The following CSF1 variants were observed in gnomAD, a reference collection of about 807,000 sequenced individuals.
The protein encoded by CSF1 is macrophage colony-stimulating factor 1.
Under a neutral mutation model 48.9 loss-of-function variants are expected in CSF1, and 9 were observed. The observed-to-expected ratio is 0.18, with a 90% CI of 0.11 to 0.32. The LOEUF (loss-of-function observed/expected upper bound fraction) is 0.32. CSF1 is among the 10% of genes least tolerant of loss of function. The pLI is 1.00. For synonymous variants in CSF1, 305 were observed against 284.1 expected, an observed-to-expected ratio of 1.07 and a Z score of -0.74; for missense variants, 672 against 697.9, an observed-to-expected ratio of 0.96 and a Z score of 0.42.
At chr1:109,919,927 AAAATAAATAAATAAATAAATAAATAAAT>A (rs35887432) in intron 4 of CSF1, among the ~76,000 whole-genome samples, 3 of 146,286 alleles carry the variant, frequency 2.1e-5, no homozygotes, top group East Asian at 2.0e-4. Flanking sequence ...ACTCCATCTC[AAAATAAATAAATAAATAAATAAATAAAT>A]AAATAAATAA....
At chr1:109,924,744 C>G in intron 6 of CSF1, 32 bp from the exon 7 acceptor site, 1 of 1,560,770 alleles carries the variant, frequency 6.4e-7, no homozygotes, top group Non-Finnish European at 8.7e-7. Context: ...ACTCCCCCAG[C>G]TCCTCAGTGA....
Position 109,924,162 on chromosome 1 carries a change from G to C in CSF1, c.1541G>C (p.Gly514Ala), listed in dbSNP as rs755209927. The change falls in exon 6 of 9, where the codon GGC becomes GCC. Residue 514 changes from glycine (G) to alanine (A), a missense_variant. Physicochemically the swap from Gly to Ala is moderately conservative, Grantham distance 60 (BLOSUM62 0). Around this residue, in one of 3 missense-constraint regions of CSF1, gnomAD observed 591 missense variants for 593.6 expected, o/e 1.00. Transcript: ENST00000329608. ...SVILVLLAVG[G>A]LLFYRWRRRS... ...ATCCTGGTCTTGCTGGCCGTCGGAG[G>C]CCTCTTGTTCTACAGGTGGAGGCGG... 1.9e-6 allele frequency: 3 copies of C among 1,612,916 alleles called. No homozygotes were observed. Among genetic ancestry groups the C allele is most frequent in the East Asian group, 2.2e-5 (1 of 44,870 alleles).
chr1:109,923,977 C>T lies in CSF1; in HGVS notation c.1356C>T (p.Pro452=), dbSNP rs749034276. 2.5e-6 allele frequency: 4 copies of T among 1,614,184 alleles called. No individual in the cohort carries two copies. Among genetic ancestry groups the T allele is most frequent in the South Asian group, 1.1e-5 (1 of 91,078 alleles). Reference sequence around the variant, plus strand: ...GGAGCACCAGGGATCGGAGGAGCCCCGCAGAGCCAGAAGGAGGACCAGCAA... The same window carrying T: ...GGAGCACCAGGGATCGGAGGAGCCCTGCAGAGCCAGAAGGAGGACCAGCAA... The part of the protein sequence containing the change: ...GRRSTRDRRS[P]AEPEGGPASE... The change falls in exon 6 of 9, where the codon CCC becomes CCT. Residue 452 remains proline, a synonymous_variant. Coordinates refer to ENST00000329608, the MANE Select transcript of CSF1 (RefSeq NM_000757.6).
Position 109,921,940 on chromosome 1 carries a change from T to C in CSF1, c.490T>C (p.Trp164Arg). 6.2e-7 allele frequency: 1 copy of C among 1,611,558 alleles called. No homozygotes were observed. Among genetic ancestry groups the C allele is most frequent in the Non-Finnish European group, 8.5e-7 (1 of 1,178,466 alleles). The change falls in exon 5 of 9, where the codon TGG (tryptophan) becomes CGG (arginine). Residue 164 changes from tryptophan (W) to arginine (R), a missense_variant. By Grantham distance (101) the Trp-to-Arg change is moderately radical. Transcript: ENST00000329608. ...NETKNLLDKDWNIFSKNCNNS... is the reference protein window; with the variant it reads ...NETKNLLDKDRNIFSKNCNNS... ...AACAAAGAATCTCCTTGACAAGGAC[T>C]GGAATATTTTCAGCAAGAACTGCAA... is the stretch of plus-strand genomic sequence containing the variant.
chr1:109,914,215 G>A, intron 1 of CSF1, 44 bp from the exon 2 acceptor site: 4 of 1,559,650 alleles, frequency 2.6e-6, no homozygotes, highest in Non-Finnish European at 3.5e-6. Context: ...GGGATAACTG[G>A]GGAGAGTGAG....
At chr1:109,925,015 G>C in intron 7 of CSF1, 132 bp from the exon 8 acceptor site, 1 of 1,070,478 alleles carries the variant, frequency 9.3e-7, no homozygotes, top group Non-Finnish European at 1.4e-6. Flanking sequence ...TCTCCGTAGA[G>C]TTAGACAGTT....
chr1:109,924,856 G>A, intron 7 of CSF1, 28 bp downstream of exon 7: 1 of 1,597,998 alleles, frequency 6.3e-7, no homozygotes, highest in Non-Finnish European at 8.5e-7. Context: ...GGCTCTGGGA[G>A]GCACTGGGGG....
rs1647262606 is a variant in CSF1 at position 109,917,284 on chromosome 1, G to A, written c.226-9G>A. The A allele has an allele frequency of 1.9e-6, 3 of 1,612,772 alleles. No homozygotes were observed. The highest frequency in any genetic ancestry group is 2.7e-5 in the African/African-American group (2 of 74,936). Reference sequence around the variant, plus strand: ...GCCAGGCCATAAGCTCCAGGTTCCTGTTTTTCAGAAAGATCCAGTGTGCTA... The same window carrying A: ...GCCAGGCCATAAGCTCCAGGTTCCTATTTTTCAGAAAGATCCAGTGTGCTA... On this transcript the variant is annotated splice_polypyrimidine_tract_variant and intron_variant, in intron 3 of 8. Coordinates refer to ENST00000329608, the MANE Select transcript of CSF1 (RefSeq NM_000757.6).
At chr1:109,910,573 A>T (rs1261368938), upstream of CSF1, 1 of 285,836 alleles carries the variant, frequency 3.5e-6, no homozygotes, top group Non-Finnish European at 7.4e-6. Flanking sequence ...CAGGGTGGGG[A>T]CGCGGTGGAG....
chr1:109,920,871 G>C (rs918403450), intron 4 of CSF1, among the ~76,000 whole-genome samples: 8 of 152,182 alleles, frequency 5.3e-5, no homozygotes, highest in Non-Finnish European at 1.0e-4. Context: ...ATATCAGGAG[G>C]AGAAGGGGAG....
intron 1 of CSF1, among the ~76,000 whole-genome samples, chr1:109,913,914 A>G (rs1187138086): frequency 1.3e-5 from 2 of 152,228 alleles, no homozygotes; most frequent in East Asian, 3.8e-4. Flanking sequence ...AAAAATGGGT[A>G]GATGCAAGTC....
Position 109,923,573 on chromosome 1 carries a change from C to A in CSF1, c.952C>A (p.Pro318Thr). Residue 318 changes from proline to threonine, a missense_variant, in exon 6 of 9, where the codon CCC (proline) becomes ACC (threonine). Physicochemically the swap from Pro to Thr is conservative, Grantham distance 38. Around this residue, in one of 3 missense-constraint regions of CSF1, gnomAD observed 591 missense variants for 593.6 expected, o/e 1.00. Transcript: ENST00000329608. ...ASGEASEIPV[P>T]QGTELSPSRP... ...TGGAGAGGCCAGTGAGATTCCCGTA[C>A]CCCAAGGGACAGAGCTTTCCCCCTC... The A allele has an allele frequency of 6.2e-7, 1 of 1,614,196 alleles. No homozygotes were observed. The highest frequency in any genetic ancestry group is 8.5e-7 in the Non-Finnish European group (1 of 1,180,034).
At chr1:109,917,177 T>G in intron 3 of CSF1, 116 bp from the exon 4 acceptor site, 2 of 1,060,812 alleles carry the variant, frequency 1.9e-6, no homozygotes, top group East Asian at 2.4e-5. Flanking sequence ...GCTGGCATGG[T>G]GTGGTCCCTC....
chr1:109,910,999 G>T lies in CSF1; in HGVS notation c.-25G>T, dbSNP rs980757302. ...GCGAGCGAGCGAGGGCGGCCGACGC[G>T]CCCGGCCGGGACCCAGCTGCCCGTA... On this transcript the variant is annotated 5_prime_UTR_variant, in exon 1 of 9. Transcript: ENST00000329608. 4 of 1,165,462 alleles carry T rather than the reference G, an allele frequency of 3.4e-6. No homozygotes were observed. The highest frequency in any genetic ancestry group is 4.2e-6 in the Non-Finnish European group (4 of 947,248). 72.2% of individuals were successfully genotyped at this position (1,165,462 alleles called of 1,614,324 possible).
At chr1:109,912,847 A>G (rs1654747414) in intron 1 of CSF1, among the ~76,000 whole-genome samples, 1 of 152,116 alleles carries the variant, frequency 6.6e-6, no homozygotes, top group Non-Finnish European at 1.5e-5. Context: ...CAGAGCCTGA[A>G]GTCCCCCCAG....
intron 4 of CSF1, 43 bp downstream of exon 4, chr1:109,917,506 G>A: frequency 2.5e-6 from 4 of 1,602,684 alleles, no homozygotes; most frequent in Non-Finnish European, 3.4e-6. Context: ...AGGGCAGAGG[G>A]TGGCTGTGGA....
In CSF1 at chr1:109,914,299, C is replaced by T. The variant is rs202209718; in HGVS notation, c.80C>T (p.Ala27Val). 8.1e-6 allele frequency: 13 copies of T among 1,607,548 alleles called. No homozygotes were observed. Among genetic ancestry groups the T allele is most frequent in the Non-Finnish European group, 1.1e-5 (13 of 1,176,832 alleles). The change falls in exon 2 of 9, where the codon GCG becomes GTG. Residue 27 changes from alanine to valine, a missense_variant. Coordinates refer to ENST00000329608, the MANE Select transcript of CSF1 (RefSeq NM_000757.6). Reference protein sequence around the residue: ...GSLLLLVCLLASRSITEEVSE... With the variant: ...GSLLLLVCLLVSRSITEEVSE... ...CTGCTGTTGTTGGTCTGTCTCCTGG[C>T]GAGCAGGAGTATCACCGAGGAGGTG...
At chr1:109,922,703 GC>G in intron 5 of CSF1, among the ~76,000 whole-genome samples, 1 of 150,458 alleles carries the variant, frequency 6.6e-6, no homozygotes, top group South Asian at 2.1e-4. Flanking sequence ...CTGCATTCTA[GC>G]CCCAGCCTGT....
rs1451528973 is a variant in CSF1 at position 109,930,165 on chromosome 1, A to C, written c.*1327A>C. The C allele has an allele frequency of 1.3e-5, 2 of 152,228 alleles. No homozygotes were observed. Among genetic ancestry groups the C allele is most frequent in the African/African-American group, 4.8e-5 (2 of 41,392 alleles). The allele number at this position is 152,228 out of a possible 1,614,324, so 9.4% of individuals were successfully genotyped here. On this transcript the variant is annotated 3_prime_UTR_variant, in exon 9 of 9. Coordinates refer to ENST00000329608, the MANE Select transcript of CSF1 (RefSeq NM_000757.6). ...TGCATCTCAGCCCCACCTGCATGGTATCCAGCTCCCATCCACTTCTCACCC... is the reference window on the plus strand; with the variant it reads ...TGCATCTCAGCCCCACCTGCATGGTCTCCAGCTCCCATCCACTTCTCACCC...
Sources: gnomAD v4.1 joint callset for allele counts (sites outside exome capture counted in the v4.1 genomes callset) on GRCh38, gnomAD v4.1.1 for gene constraint, gnomAD v4.1.1 regional missense constraint, MANE v1.5 for transcripts, NCBI Gene and HGNC (gene_info 2026-07-23, HGNC 2026-07-21) for gene names.